The following MSRA variants were observed in gnomAD, a reference collection of about 807,000 sequenced individuals.
The protein encoded by MSRA is methionine sulfoxide reductase A.
A neutral mutation model predicts 31.3 loss-of-function variants in MSRA; 54 were observed. That is an observed-to-expected ratio of 1.73 (90% CI 1.39 to 2.17). The LOEUF is 2.17. MSRA is among the 30% of genes most tolerant of loss of function. The pLI is 0.00. For synonymous variants in MSRA, 169 were observed against 116.5 expected (o/e 1.45, Z -2.90); for missense variants, 507 against 300.9 (o/e 1.69, Z -5.07).
intron 1 of MSRA, among the ~76,000 whole-genome samples, chr8:10,130,760 G>T (rs1333906878): frequency 2.6e-5 from 4 of 152,172 alleles, no homozygotes; most frequent in Non-Finnish European, 5.9e-5. Context: ...AATTCTGGCG[G>T]TCGCTAAGAT....
chr8:10,216,005 T>C (rs1220068208), intron 2 of MSRA, among the ~76,000 whole-genome samples: 1 of 152,170 alleles, frequency 6.6e-6, no homozygotes, highest in African/African-American at 2.4e-5. Context: ...AAGAGAAACA[T>C]AGGTATAGAG....
chr8:10,152,738 G>A (rs1027885032), intron 1 of MSRA, among the ~76,000 whole-genome samples: 1 of 152,228 alleles, frequency 6.6e-6, no homozygotes. Context: ...CACAGCAGCA[G>A]TATTCACAAT....
intron 1 of MSRA, among the ~76,000 whole-genome samples, chr8:10,077,895 C>A (rs1414155391): frequency 6.6e-6 from 1 of 152,064 alleles, no homozygotes; most frequent in South Asian, 2.1e-4. Context: ...TACGTTGTTG[C>A]TACAGTATTT....
intron 1 of MSRA, among the ~76,000 whole-genome samples, chr8:10,119,993 A>G (rs1800988316): frequency 6.6e-6 from 1 of 152,198 alleles, no homozygotes; most frequent in Non-Finnish European, 1.5e-5. Flanking sequence ...GAACCGTGAT[A>G]TAGGAGAGGG....
At chr8:10,173,153 G>T (rs1391246399) in intron 1 of MSRA, among the ~76,000 whole-genome samples, 1 of 152,198 alleles carries the variant, frequency 6.6e-6, no homozygotes, top group Non-Finnish European at 1.5e-5. Flanking sequence ...AATACAAACT[G>T]TTTTATTTAA....
intron 5 of MSRA, among the ~76,000 whole-genome samples, chr8:10,417,963 C>T (rs1808584308): frequency 6.6e-6 from 1 of 152,094 alleles, no homozygotes. Flanking sequence ...ATGCCCGCGT[C>T]CTGCCTGCGA....
At chr8:10,113,494 A>G (rs1240070765) in intron 1 of MSRA, among the ~76,000 whole-genome samples, 1 of 151,484 alleles carries the variant, frequency 6.6e-6, no homozygotes, top group African/African-American at 2.4e-5. Context: ...ACTGACGTTC[A>G]TAGGTTTGGT....
chr8:10,240,333 G>A (rs558711008), intron 2 of MSRA, among the ~76,000 whole-genome samples: 2 of 152,266 alleles, frequency 1.3e-5, no homozygotes, highest in South Asian at 2.1e-4. Context: ...GTGAGCGGGT[G>A]TGCATGCTGT....
chr8:10,167,482 G>C (rs922667827), intron 1 of MSRA, among the ~76,000 whole-genome samples: 13 of 152,316 alleles, frequency 8.5e-5, no homozygotes, highest in Non-Finnish European at 8.8e-5. Context: ...TATCAGCAGT[G>C]CCATGAGGGA....
intron 2 of MSRA, among the ~76,000 whole-genome samples, chr8:10,238,432 C>T (rs954657364): frequency 6.6e-6 from 1 of 152,212 alleles, no homozygotes; most frequent in Non-Finnish European, 1.5e-5. Context: ...AGTATACACA[C>T]TAAACAGGGT....
chr8:10,247,256 G>C (rs944584296), intron 3 of MSRA, among the ~76,000 whole-genome samples: 4 of 152,280 alleles, frequency 2.6e-5, no homozygotes, highest in African/African-American at 9.6e-5. Flanking sequence ...AGGGAGTGTA[G>C]AGGCTCAGAG....
intron 5 of MSRA, among the ~76,000 whole-genome samples, chr8:10,361,202 A>G (rs1187501446): frequency 2.0e-5 from 3 of 152,162 alleles, no homozygotes; most frequent in Non-Finnish European, 4.4e-5. Flanking sequence ...ACTTAATGCC[A>G]CCTTTCCCAA....
chr8:10,082,390 A>G (rs554109590), intron 1 of MSRA, among the ~76,000 whole-genome samples: 137 of 152,176 alleles, frequency 9.0e-4, no homozygotes, highest in African/African-American at 3.1e-3. Flanking sequence ...AGGCAGCCTC[A>G]TTTCACAGCT....
At chr8:10,311,097 G>A (rs147791732) in intron 4 of MSRA, among the ~76,000 whole-genome samples, 3 of 152,286 alleles carry the variant, frequency 2.0e-5, no homozygotes, top group South Asian at 2.1e-4. Flanking sequence ...AAAGAGTACT[G>A]AATTAGGTCA....
At position 10,242,793 on chromosome 8, in the gene MSRA, G is replaced by A. The variant is rs536395943; in HGVS notation, c.212-2311G>A. 2.2e-4 allele frequency among the ~76,000 whole-genome samples: 33 copies of A among 152,172 alleles called. 1 individual carries two copies. The South Asian group carries it at 6.2e-3, about 29-fold the overall frequency. On this transcript the variant is annotated intron_variant, in intron 2 of 5. Coordinates refer to ENST00000317173, the MANE Select transcript of MSRA (RefSeq NM_012331.5). Reference sequence around the variant, plus strand: ...GAATGTTTAGCTTAAACCTGCAGCCGCTAGTTGAAATGTTGCTTCATGGAG... The same window carrying A: ...GAATGTTTAGCTTAAACCTGCAGCCACTAGTTGAAATGTTGCTTCATGGAG...
chr8:10,169,976 C>T (rs1461557068), intron 1 of MSRA, among the ~76,000 whole-genome samples: 9 of 143,474 alleles, frequency 6.3e-5, no homozygotes, highest in South Asian at 4.4e-4. Context: ...AGTACAGTGA[C>T]GCAATCTTGG....
chr8:10,203,857 G>A (rs976207755), intron 1 of MSRA, among the ~76,000 whole-genome samples: 11 of 152,304 alleles, frequency 7.2e-5, no homozygotes. Flanking sequence ...CCAGTGGGAC[G>A]AGATGTGGAG....
chr8:10,269,435 C>G (rs1453314420), intron 3 of MSRA, among the ~76,000 whole-genome samples: 1 of 152,226 alleles, frequency 6.6e-6, no homozygotes, highest in African/African-American at 2.4e-5. Flanking sequence ...ACTGATTACT[C>G]GATCACTTCT....
intron 2 of MSRA, among the ~76,000 whole-genome samples, chr8:10,233,674 G>C (rs1250213632): frequency 2.0e-5 from 3 of 152,210 alleles, no homozygotes; most frequent in Admixed American, 2.0e-4. Flanking sequence ...TTAATCAGCA[G>C]TTAAATGACA....
Sources: allele counts gnomAD v4.1 joint callset (sites outside exome capture counted in the v4.1 genomes callset), GRCh38; gene constraint gnomAD v4.1.1; transcripts MANE v1.5; gene names NCBI Gene and HGNC (gene_info 2026-07-23, HGNC 2026-07-21).